SMARCC1: variants seen among roughly 807,000 people sequenced by gnomAD.
SMARCC1 encodes SWI/SNF related BAF chromatin remodeling complex subunit C1.
A neutral mutation model predicts 147.4 loss-of-function variants in SMARCC1; 43 were observed. The observed-to-expected ratio is 0.29, with a 90% CI of 0.23 to 0.38. The LOEUF (loss-of-function observed/expected upper bound fraction) is 0.38, where lower values mean the gene tolerates loss of function less well. SMARCC1 is among the 10% of genes least tolerant of loss of function. The pLI is 1.00. For missense variants in SMARCC1, 1,119 were observed against 1,381.1 expected, an observed-to-expected ratio of 0.81 and a Z score of 3.01; for synonymous variants, 495 against 484.4, an observed-to-expected ratio of 1.02 and a Z score of -0.29.
intron 25 of SMARCC1, among the ~76,000 whole-genome samples, chr3:47,621,819 A>T (rs541208722): frequency 8.1e-4 from 113 of 139,056 alleles, no homozygotes; most frequent in Middle Eastern, 7.4e-3. Flanking sequence ...TTAAAACTTT[A>T]AAAAAAAAAA....
At chr3:47,702,797 G>C (rs951986070) in intron 10 of SMARCC1, among the ~76,000 whole-genome samples, 3 of 152,108 alleles carry the variant, frequency 2.0e-5, no homozygotes, top group Non-Finnish European at 4.4e-5. Context: ...CTAGATACAG[G>C]GTTTCACTAT....
At chr3:47,626,345 C>T (rs1029089690) in intron 24 of SMARCC1, among the ~76,000 whole-genome samples, 6 of 151,416 alleles carry the variant, frequency 4.0e-5, no homozygotes, top group Non-Finnish European at 7.4e-5. Flanking sequence ...CGGGGTTTCA[C>T]CATGTTGATC....
intron 6 of SMARCC1, among the ~76,000 whole-genome samples, 170 bp downstream of exon 6, chr3:47,728,855 G>A (rs933892865): frequency 3.3e-5 from 5 of 152,168 alleles, no homozygotes. Context: ...AGGTGGCAGT[G>A]AGCTGAGATC....
At position 47,686,134 on chromosome 3, in the gene SMARCC1, A is replaced by G; in HGVS notation, c.1300T>C (p.Ser434Pro). The G allele has an allele frequency of 6.2e-7, 1 of 1,612,156 alleles. No individual in the cohort carries two copies. Among genetic ancestry groups the G allele is most frequent in the Non-Finnish European group, 8.5e-7 (1 of 1,178,328 alleles). ...ACATTATCTTCCCCAAGGTCAACTG[A>G]TCGACTCTGATCACCTTTGGCAGGA... ...EDPAKGDQSR[S>P]VDLGEDNVTE... Residue 434 changes from serine (S) to proline (P), a missense_variant, in exon 14 of 28, where the codon TCA becomes CCA. Physicochemically the swap from Ser to Pro is moderately conservative, Grantham distance 74. Coordinates refer to ENST00000254480, the MANE Select transcript of SMARCC1 (RefSeq NM_003074.4).
At chr3:47,771,785 T>C (rs1233499863) in intron 2 of SMARCC1, among the ~76,000 whole-genome samples, 1 of 151,152 alleles carries the variant, frequency 6.6e-6, no homozygotes, top group Admixed American at 6.6e-5. Flanking sequence ...TAACATATCA[T>C]AACATAAAAA....
At chr3:47,712,344 T>G (rs1478319025) in intron 8 of SMARCC1, among the ~76,000 whole-genome samples, 1 of 151,924 alleles carries the variant, frequency 6.6e-6, no homozygotes, top group African/African-American at 2.4e-5. Flanking sequence ...GTTAATTAAC[T>G]GATAGTTTAG....
In SMARCC1 at chr3:47,781,650, A is replaced by T. The variant is rs1322484384; in HGVS notation, c.148T>A (p.Ser50Thr). The T allele has an allele frequency of 3.2e-6, 5 of 1,556,112 alleles. No homozygotes were observed. Among genetic ancestry groups the T allele is most frequent in the Middle Eastern group, 1.7e-4 (1 of 5,954 alleles). ...CAGACCCGCACCGAATCCAGCTGGG[A>T]CACCGTCTCCGGGCTCTCCCAAAAC... The part of the protein sequence containing the change: ...TKFWESPETV[S>T]QLDSVRVWLG... The change falls in exon 1 of 28, where the codon TCC becomes ACC. Residue 50 changes from serine (S) to threonine (T), a missense_variant. Ser to Thr is a moderately conservative substitution (Grantham distance 58). Coordinates refer to ENST00000254480, the MANE Select transcript of SMARCC1 (RefSeq NM_003074.4).
chr3:47,750,690 C>T (rs2034619151), intron 2 of SMARCC1, among the ~76,000 whole-genome samples: 1 of 152,108 alleles, frequency 6.6e-6, no homozygotes, highest in Non-Finnish European at 1.5e-5. Flanking sequence ...CAATATTCAG[C>T]AATGTGCCAC....
chr3:47,590,416 C>A (rs1363077293), intron 27 of SMARCC1, among the ~76,000 whole-genome samples: 1 of 152,160 alleles, frequency 6.6e-6, no homozygotes, highest in Non-Finnish European at 1.5e-5. Flanking sequence ...TCTTTATGGC[C>A]CCAATGCTGA....
intron 2 of SMARCC1, among the ~76,000 whole-genome samples, chr3:47,759,079 C>G (rs1358386248): frequency 6.6e-6 from 1 of 151,950 alleles, no homozygotes; most frequent in African/African-American, 2.4e-5. Context: ...GAGGTGCAAT[C>G]TCAGCTCACT....
intron 16 of SMARCC1, among the ~76,000 whole-genome samples, chr3:47,677,364 G>A (rs1165866154): frequency 6.7e-6 from 1 of 149,380 alleles, no homozygotes; most frequent in Admixed American, 6.7e-5. Flanking sequence ...GCCTCCCAAA[G>A]TGCTGGGATT....
intron 3 of SMARCC1, among the ~76,000 whole-genome samples, chr3:47,742,605 G>C (rs1371197053): frequency 6.6e-6 from 1 of 152,078 alleles, no homozygotes; most frequent in Non-Finnish European, 1.5e-5. Flanking sequence ...TTCTGTTTTT[G>C]ACACAGGGTC....
At chr3:47,674,848 T>A (rs1036666530) in intron 18 of SMARCC1, among the ~76,000 whole-genome samples, 1 of 152,212 alleles carries the variant, frequency 6.6e-6, no homozygotes, top group Non-Finnish European at 1.5e-5. Flanking sequence ...CATTCTCTTA[T>A]GGGTTTCTAA....
At chr3:47,596,429 G>T (rs1315460337) in intron 26 of SMARCC1, among the ~76,000 whole-genome samples, 1 of 151,994 alleles carries the variant, frequency 6.6e-6, no homozygotes, top group Non-Finnish European at 1.5e-5. Flanking sequence ...TCAGCTGGGT[G>T]TGATGGTGGG....
intron 5 of SMARCC1, among the ~76,000 whole-genome samples, chr3:47,732,677 T>C (rs753417546): frequency 6.6e-6 from 1 of 152,134 alleles, no homozygotes; most frequent in African/African-American, 2.4e-5. Context: ...GATAGAGAAG[T>C]GGCCAGTCAG....
chr3:47,758,055 T>C (rs2034722767), intron 2 of SMARCC1, among the ~76,000 whole-genome samples: 1 of 151,994 alleles, frequency 6.6e-6, no homozygotes, highest in African/African-American at 2.4e-5. Context: ...CAATGCAAAA[T>C]GAATAAAAAA....
At chr3:47,708,081 T>C in intron 9 of SMARCC1, among the ~76,000 whole-genome samples, 1 of 90,390 alleles carries the variant, frequency 1.1e-5, no homozygotes, top group East Asian at 3.3e-4. Context: ...TGAATTTTTT[T>C]TCTTTTTTTT....
chr3:47,656,429 GAT>G (rs902066222), intron 21 of SMARCC1, among the ~76,000 whole-genome samples: 1 of 152,152 alleles, frequency 6.6e-6, no homozygotes, highest in African/African-American at 2.4e-5. Flanking sequence ...CTACAGATGA[GAT>G]AATTCAGAGC....
At chr3:47,733,204 T>C (rs557978015) in intron 5 of SMARCC1, among the ~76,000 whole-genome samples, 1 of 152,336 alleles carries the variant, frequency 6.6e-6, no homozygotes, top group African/African-American at 2.4e-5. Flanking sequence ...CACATGCTGT[T>C]GGGAAAATGG....
Sources: allele counts gnomAD v4.1 joint callset (sites outside exome capture counted in the v4.1 genomes callset), GRCh38; gene constraint gnomAD v4.1.1; transcripts MANE v1.5; gene names NCBI Gene and HGNC (gene_info 2026-07-23, HGNC 2026-07-21).